LTBP1: variants seen among roughly 807,000 people sequenced by gnomAD.
LTBP1 encodes latent-transforming growth factor beta-binding protein 1.
LTBP1 carries 129 observed loss-of-function variants against 207.6 expected under a neutral mutation model. The ratio of observed to expected loss-of-function variants is 0.62; its 90% CI spans 0.54 to 0.72. LTBP1 has a LOEUF of 0.72. Among genes scored for constraint, LTBP1 ranks in the 30% least tolerant of loss-of-function variants. The probability of loss-of-function intolerance (pLI) is 0.00; values close to 1 mark genes in which losing one functional copy is unlikely to be tolerated. For synonymous variants in LTBP1, 963 were observed against 833.7 expected, an observed-to-expected ratio of 1.16 and a Z score of -2.67; for missense variants, 2,281 against 2,217.2, an observed-to-expected ratio of 1.03 and a Z score of -0.58.
At chr2:33,044,139 A>G (rs910079816) in intron 3 of LTBP1, among the ~76,000 whole-genome samples, 2 of 148,914 alleles carry the variant, frequency 1.3e-5, no homozygotes, top group Admixed American at 6.7e-5. Flanking sequence ...TTTTTTTTTT[A>G]ATTATACTTT....
chr2:33,156,537 ATGT>A (rs1398708997), intron 5 of LTBP1, among the ~76,000 whole-genome samples: 2 of 152,150 alleles, frequency 1.3e-5, no homozygotes, highest in African/African-American at 2.4e-5. Flanking sequence ...GCCTCATAAG[ATGT>A]TGTGAGGGTT....
intron 6 of LTBP1, among the ~76,000 whole-genome samples, chr2:33,187,442 C>T (rs1262155826): frequency 6.6e-6 from 1 of 152,034 alleles, no homozygotes; most frequent in Non-Finnish European, 1.5e-5. Flanking sequence ...GCTAGTGGAT[C>T]GCACAGTACC....
intron 24 of LTBP1, among the ~76,000 whole-genome samples, chr2:33,324,062 A>G (rs1302202623): frequency 6.6e-6 from 1 of 152,116 alleles, no homozygotes; most frequent in Non-Finnish European, 1.5e-5. Context: ...AGAATGGAGT[A>G]GCCCATAGAA....
At chr2:33,394,136 GTTGT>G (rs1013152859) in intron 32 of LTBP1, among the ~76,000 whole-genome samples, 1 of 152,122 alleles carries the variant, frequency 6.6e-6, no homozygotes, top group Non-Finnish European at 1.5e-5. Context: ...TTTTGATGGG[GTTGT>G]TTGATTTTTT....
At chr2:33,135,216 A>G (rs1320406944) in intron 5 of LTBP1, among the ~76,000 whole-genome samples, 1 of 152,198 alleles carries the variant, frequency 6.6e-6, no homozygotes, top group Non-Finnish European at 1.5e-5. Flanking sequence ...TGGTAATGGG[A>G]ATATATATAG....
chr2:33,256,190 G>A (rs1261287949), intron 11 of LTBP1, among the ~76,000 whole-genome samples: 1 of 151,994 alleles, frequency 6.6e-6, no homozygotes, highest in Non-Finnish European at 1.5e-5. Context: ...GCTGGTCACG[G>A]CCAGGCTTTT....
chr2:33,213,449 C>G (rs938004829), intron 7 of LTBP1, among the ~76,000 whole-genome samples: 1 of 152,192 alleles, frequency 6.6e-6, no homozygotes, highest in Non-Finnish European at 1.5e-5. Flanking sequence ...GTGATTACAT[C>G]TCACCAGAAA....
Position 33,044,599 on chromosome 2 carries a change from A to G in LTBP1, c.863+23393A>G, listed in dbSNP as rs182501398. On this transcript the variant is annotated intron_variant, in intron 3 of 33. Transcript: ENST00000404816. ...CGTGTGCATGTGTCTTTATAGTAGA[A>G]TGATTTATAATCCTTTGGGTATATA... 2.5e-3 allele frequency among the ~76,000 whole-genome samples: 380 copies of G among 152,340 alleles called. 3 individuals carry two copies. Among genetic ancestry groups the G allele is most frequent in the African/African-American group, 8.9e-3 (370 of 41,572 alleles).
At chr2:33,382,314 C>T (rs1025208446) in intron 31 of LTBP1, among the ~76,000 whole-genome samples, 3 of 151,942 alleles carry the variant, frequency 2.0e-5, no homozygotes, top group African/African-American at 7.3e-5. Context: ...AGGCTGCTCT[C>T]GAACTCCTGA....
intron 20 of LTBP1, among the ~76,000 whole-genome samples, chr2:33,299,845 C>T (rs988515587): frequency 6.6e-6 from 1 of 152,160 alleles, no homozygotes; most frequent in Non-Finnish European, 1.5e-5. Flanking sequence ...GTGATTTTAT[C>T]TTGTCAAAGC....
rs774391459 is a variant in LTBP1, at chr2:33,363,346, CA to C, written c.4271-41del. The C allele has an allele frequency of 6.9e-6, 11 of 1,605,658 alleles. No individual in the cohort carries two copies. The South Asian group carries it at 1.2e-4, about 18-fold the overall frequency. On this transcript the variant is annotated intron_variant, in intron 28 of 33. Transcript: ENST00000404816. ...GTTAGACTCTTTTTAATTGAAAGAT[CA>C]AACCTAACTCCTTTTTGTATTTCTC... is the stretch of plus-strand genomic sequence containing the variant.
intron 7 of LTBP1, among the ~76,000 whole-genome samples, chr2:33,194,475 T>C (rs1242541255): frequency 6.6e-6 from 1 of 152,094 alleles, no homozygotes; most frequent in Admixed American, 6.6e-5. Context: ...GTAAAACAGC[T>C]CTGTTGCTAA....
At chr2:33,297,716 A>G (rs2887067) in intron 20 of LTBP1, among the ~76,000 whole-genome samples, 123,250 of 152,106 alleles carry the variant, frequency 0.81, 50,339 homozygotes, top group African/African-American at 0.88. Context: ...CAGCCATTAC[A>G]CCCGGCCCTG....
chr2:33,326,058 G>A (rs1313657814), intron 24 of LTBP1, among the ~76,000 whole-genome samples: 1 of 147,140 alleles, frequency 6.8e-6, no homozygotes, highest in Non-Finnish European at 1.5e-5. Context: ...GACTTATAGT[G>A]TTTATAGTTT....
chr2:32,963,097 A>G (rs563987661), intron 2 of LTBP1, among the ~76,000 whole-genome samples: 2 of 152,354 alleles, frequency 1.3e-5, no homozygotes, highest in Admixed American at 1.3e-4. Context: ...ATTTCTGCCT[A>G]AGGATGAGTT....
At chr2:33,209,912 C>T (rs2090173781) in intron 7 of LTBP1, among the ~76,000 whole-genome samples, 2 of 152,182 alleles carry the variant, frequency 1.3e-5, no homozygotes, top group South Asian at 4.1e-4. Flanking sequence ...ACGGATGTCT[C>T]TAGTGCCATT....
chr2:33,355,689 G>A (rs146490830), intron 26 of LTBP1, among the ~76,000 whole-genome samples: 56 of 151,722 alleles, frequency 3.7e-4, no homozygotes, highest in African/African-American at 1.2e-3. Context: ...TAATATCCCC[G>A]ACTTTTTCTT....
chr2:33,392,860 T>C, intron 32 of LTBP1, among the ~76,000 whole-genome samples: 1 of 152,096 alleles, frequency 6.6e-6, no homozygotes, highest in Non-Finnish European at 1.5e-5. Context: ...TTAACTGGCT[T>C]TGAGTATGTG....
chr2:33,078,618 A>G (rs1423905882), intron 3 of LTBP1, among the ~76,000 whole-genome samples: 2 of 152,198 alleles, frequency 1.3e-5, no homozygotes, highest in Non-Finnish European at 1.5e-5. Context: ...CAATAGGAGT[A>G]TTTATAATCC....
Sources: allele counts gnomAD v4.1 joint callset (sites outside exome capture counted in the v4.1 genomes callset), GRCh38; gene constraint gnomAD v4.1.1; transcripts MANE v1.5; gene names NCBI Gene and HGNC (gene_info 2026-07-23, HGNC 2026-07-21).